The following GNA12 variants were observed in gnomAD, a reference collection of about 807,000 sequenced individuals.
GNA12 encodes the protein guanine nucleotide-binding protein subunit alpha-12.
Under a neutral mutation model 26.0 loss-of-function variants are expected in GNA12, and 9 were observed. That is an observed-to-expected ratio of 0.35 (90% CI 0.21 to 0.60). GNA12 has a LOEUF of 0.60. Among genes scored for constraint, GNA12 ranks in the 20% least tolerant of loss-of-function variants. The pLI is 0.78. For missense variants in GNA12, 405 were observed against 525.8 expected (o/e 0.77, Z 2.25); for synonymous variants, 264 against 219.6 (o/e 1.20, Z -1.79).
chr7:2,778,456 T>C (rs369317801), intron 2 of GNA12, among the ~76,000 whole-genome samples: 22 of 152,328 alleles, frequency 1.4e-4, no homozygotes, highest in African/African-American at 5.3e-4. Context: ...TAAAGTCTGA[T>C]TTCTTCCATG....
intron 2 of GNA12, among the ~76,000 whole-genome samples, chr7:2,784,073 G>A (rs2115440004): frequency 6.6e-6 from 1 of 152,258 alleles, no homozygotes; most frequent in African/African-American, 2.4e-5. Context: ...CTAGAAGCTG[G>A]AAATCATTTT....
chr7:2,754,190 C>G (rs945381521), intron 2 of GNA12, among the ~76,000 whole-genome samples: 1 of 152,182 alleles, frequency 6.6e-6, no homozygotes, highest in African/African-American at 2.4e-5. Flanking sequence ...TAGCTCACAG[C>G]AGTCTGAGTC....
At chr7:2,827,260 G>A (rs1793507228) in intron 1 of GNA12, among the ~76,000 whole-genome samples, 1 of 152,150 alleles carries the variant, frequency 6.6e-6, no homozygotes, top group Non-Finnish European at 1.5e-5. Flanking sequence ...CACTACTAAC[G>A]TGTCCAGATC....
chr7:2,829,423 G>A (rs917294639), intron 1 of GNA12, among the ~76,000 whole-genome samples: 12 of 152,216 alleles, frequency 7.9e-5, no homozygotes, highest in African/African-American at 2.7e-4. Flanking sequence ...CTGACAGTGG[G>A]TAGGATTCAG....
intron 2 of GNA12, among the ~76,000 whole-genome samples, chr7:2,775,969 G>A (rs551764751): frequency 2.0e-5 from 3 of 152,254 alleles, no homozygotes; most frequent in South Asian, 2.1e-4. Context: ...AGAAACTGCC[G>A]GTGGCTATGG....
chr7:2,778,653 A>C (rs1792139393), intron 2 of GNA12, among the ~76,000 whole-genome samples: 2 of 152,212 alleles, frequency 1.3e-5, no homozygotes, highest in South Asian at 4.1e-4. Context: ...GAAATTCAAA[A>C]TCAGAGAGCC....
Position 2,844,270 on chromosome 7 carries a change from T to A in GNA12, c.-109A>T. 2.2e-6 allele frequency: 1 copy of A among 450,916 alleles called. No homozygotes were observed. Among genetic ancestry groups the A allele is most frequent in the Non-Finnish European group, 2.9e-6 (1 of 343,090 alleles). 27.9% of individuals were successfully genotyped at this position (450,916 alleles called of 1,614,324 possible). On this transcript the variant is annotated 5_prime_UTR_variant, in exon 1 of 4. Transcript: ENST00000275364. ...ACCGCCCCACGCCCCGCCGCTCGCC[T>A]CAGGCCGCGTCCGCCGCCGCCGCTG...
At chr7:2,783,749 A>T (rs1011175600) in intron 2 of GNA12, among the ~76,000 whole-genome samples, 1 of 151,534 alleles carries the variant, frequency 6.6e-6, no homozygotes, top group Non-Finnish European at 1.5e-5. Flanking sequence ...CAGTGGGGCA[A>T]TCTCGGCTCA....
At chr7:2,768,364 G>A (rs1338584941) in intron 2 of GNA12, among the ~76,000 whole-genome samples, 1 of 152,194 alleles carries the variant, frequency 6.6e-6, no homozygotes, top group African/African-American at 2.4e-5. Context: ...TTCATCCAGT[G>A]AAGATCAGTA....
intron 2 of GNA12, among the ~76,000 whole-genome samples, chr7:2,780,017 C>T (rs1279378258): frequency 2.5e-4 from 36 of 142,078 alleles, no homozygotes; most frequent in Non-Finnish European, 3.0e-5. Context: ...GATGTACTTA[C>T]ACCACGTACT....
intron 1 of GNA12, among the ~76,000 whole-genome samples, chr7:2,802,636 G>T (rs921743063): frequency 6.6e-6 from 1 of 152,128 alleles, no homozygotes; most frequent in Non-Finnish European, 1.5e-5. Context: ...ACAAACTGAA[G>T]ATTCTGGATG....
chr7:2,842,890 G>A (rs927368192), intron 1 of GNA12, among the ~76,000 whole-genome samples: 2 of 152,216 alleles, frequency 1.3e-5, no homozygotes, highest in African/African-American at 4.8e-5. Context: ...GAGACCATGG[G>A]GAGGGCACAG....
At position 2,762,680 on chromosome 7, in the gene GNA12, G is replaced by C. The variant is rs377455031; in HGVS notation, c.526-29179C>G. 51 of 1,589,964 alleles carry C rather than the reference G, an allele frequency of 3.2e-5. No individual in the cohort carries two copies. In the African/African-American group the frequency reaches 6.3e-4, roughly 20 times the overall value. ...GATGAGAGGATAAATCATTTGGAAAGAAACCACGCTGCCCGGGTGGAGGAG... is the reference window on the plus strand; with the variant it reads ...GATGAGAGGATAAATCATTTGGAAACAAACCACGCTGCCCGGGTGGAGGAG... On this transcript the variant is annotated intron_variant, in intron 2 of 3. Transcript: ENST00000275364.
At chr7:2,799,967 G>C (rs762602080) in intron 1 of GNA12, among the ~76,000 whole-genome samples, 13 of 152,196 alleles carry the variant, frequency 8.5e-5, no homozygotes, top group Non-Finnish European at 1.6e-4. Flanking sequence ...AAACAGTTGG[G>C]TGGATTTATA....
chr7:2,816,103 A>T (rs1793212161), intron 1 of GNA12, among the ~76,000 whole-genome samples: 1 of 152,230 alleles, frequency 6.6e-6, no homozygotes, highest in South Asian at 2.1e-4. Flanking sequence ...GGTCGCAGGG[A>T]AAACGGTAAA....
At chr7:2,808,189 CAT>C (rs1792994530) in intron 1 of GNA12, among the ~76,000 whole-genome samples, 1 of 152,252 alleles carries the variant, frequency 6.6e-6, no homozygotes, top group African/African-American at 2.4e-5. Context: ...AATCTGTGAA[CAT>C]GTTTCCTTCT....
intron 2 of GNA12, among the ~76,000 whole-genome samples, chr7:2,757,574 G>T (rs35204498): frequency 6.6e-6 from 1 of 152,228 alleles, no homozygotes; most frequent in African/African-American, 2.4e-5. Flanking sequence ...ACCAGCCTGC[G>T]AGGTTCCGAG....
intron 1 of GNA12, among the ~76,000 whole-genome samples, chr7:2,834,144 C>A (rs1001914591): frequency 3.3e-5 from 5 of 152,218 alleles, no homozygotes; most frequent in African/African-American, 1.2e-4. Context: ...AAGAAAGCCA[C>A]CACATTACAA....
intron 2 of GNA12, among the ~76,000 whole-genome samples, chr7:2,740,629 G>C (rs769208898): frequency 6.6e-6 from 1 of 152,240 alleles, no homozygotes; most frequent in Non-Finnish European, 1.5e-5. Context: ...CAGAGGCAAA[G>C]ATGGTGAAAT....
Sources: gnomAD v4.1 joint callset for allele counts (sites outside exome capture counted in the v4.1 genomes callset) on GRCh38, gnomAD v4.1.1 for gene constraint, MANE v1.5 for transcripts, NCBI Gene and HGNC (gene_info 2026-07-23, HGNC 2026-07-21) for gene names.